Variants in THSD7B observed in about 807,000 individuals in gnomAD.
THSD7B encodes the protein thrombospondin type-1 domain-containing protein 7B.
In THSD7B, 138 loss-of-function variants were observed where a neutral mutation model predicts 213.6. The ratio of observed to expected loss-of-function variants is 0.65; its 90% confidence interval spans 0.56 to 0.74. The LOEUF is 0.74. THSD7B is among the 30% of genes least tolerant of loss of function. The pLI is 0.00. For missense variants in THSD7B, 1,931 were observed against 1,991.5 expected (o/e 0.97, Z 0.58); for synonymous variants, 742 against 687.0 (o/e 1.08, Z -1.25).
chr2:137,597,468 GT>G lies in THSD7B; in HGVS notation c.3424-18694del, dbSNP rs5834565. Among the ~76,000 whole-genome samples, 448 of 143,510 alleles carry G rather than the reference GT, an allele frequency of 3.1e-3. 3 individuals carry two copies. Among genetic ancestry groups the G allele is most frequent in the South Asian group, 8.2e-3 (37 of 4,534 alleles). The allele number at this position is 143,510 out of a possible 152,430, so 94.1% of individuals were successfully genotyped here. On this transcript the variant is annotated intron_variant, in intron 17 of 27. Transcript: ENST00000409968. ...GAAAAACAAAACCAAAAAAAAACCT[GT>G]TTTTTTTTTTTTAAGATGCTTTTGT... is the stretch of plus-strand genomic sequence containing the variant.
At chr2:137,012,753 G>A (rs932776748) in intron 2 of THSD7B, among the ~76,000 whole-genome samples, 3 of 152,210 alleles carry the variant, frequency 2.0e-5, no homozygotes, top group South Asian at 2.1e-4. Context: ...ACTCCACTTC[G>A]CATGGAGAGT....
intron 15 of THSD7B, among the ~76,000 whole-genome samples, chr2:137,503,827 C>T (rs1311896982): frequency 6.6e-6 from 1 of 151,984 alleles, no homozygotes; most frequent in African/African-American, 2.4e-5. Context: ...GAGATCAAGA[C>T]TATCCTGGCC....
At chr2:137,075,935 G>T (rs1184668173) in intron 3 of THSD7B, among the ~76,000 whole-genome samples, 1 of 152,140 alleles carries the variant, frequency 6.6e-6, no homozygotes, top group Non-Finnish European at 1.5e-5. Context: ...CTGCCTGATT[G>T]TTCCTCTGGA....
At chr2:136,889,797 C>T (rs1224096448) in intron 2 of THSD7B, among the ~76,000 whole-genome samples, 1 of 152,158 alleles carries the variant, frequency 6.6e-6, no homozygotes, top group East Asian at 1.9e-4. Flanking sequence ...CCTGCATAGT[C>T]ATCATCTGTG....
At chr2:137,436,105 C>T (rs1687284956) in intron 14 of THSD7B, among the ~76,000 whole-genome samples, 1 of 151,992 alleles carries the variant, frequency 6.6e-6, no homozygotes. Context: ...CTTCACTCTG[C>T]ATCTGTTTAT....
chr2:137,525,158 A>G (rs1046910687), intron 15 of THSD7B, among the ~76,000 whole-genome samples: 1 of 152,228 alleles, frequency 6.6e-6, no homozygotes, highest in Non-Finnish European at 1.5e-5. Flanking sequence ...GGAACCACAC[A>G]TGAATATTGT....
chr2:137,014,335 T>A (rs893785161), intron 2 of THSD7B, among the ~76,000 whole-genome samples: 5 of 152,100 alleles, frequency 3.3e-5, no homozygotes, highest in African/African-American at 1.2e-4. Flanking sequence ...CCAAAAATAA[T>A]TTTGCATAAT....
intron 4 of THSD7B, among the ~76,000 whole-genome samples, chr2:137,106,978 T>C (rs1688265756): frequency 6.6e-6 from 1 of 152,190 alleles, no homozygotes; most frequent in African/African-American, 2.4e-5. Flanking sequence ...TGGAAGTCAG[T>C]GTGGTGATTC....
At chr2:137,142,403 T>C (rs1679604191) in intron 5 of THSD7B, among the ~76,000 whole-genome samples, 1 of 152,130 alleles carries the variant, frequency 6.6e-6, no homozygotes, top group Non-Finnish European at 1.5e-5. Context: ...TAGAGGTAAC[T>C]TTTCTCAATA....
At chr2:137,293,166 A>AGGCTGTATCATC (rs1683378936) in intron 12 of THSD7B, among the ~76,000 whole-genome samples, 1 of 151,130 alleles carries the variant, frequency 6.6e-6, no homozygotes, top group Admixed American at 6.6e-5. Flanking sequence ...CTTTTGAGAC[A>AGGCTGTATCATC]TGGTCTGTAT....
chr2:137,556,251 A>C (rs1193146185), intron 15 of THSD7B, among the ~76,000 whole-genome samples: 1 of 152,198 alleles, frequency 6.6e-6, no homozygotes, highest in African/African-American at 2.4e-5. Context: ...CAGATTCACC[A>C]AAGTTGAAAT....
Position 137,095,017 on chromosome 2 carries a change from C to A in THSD7B, c.1095C>A (p.Ser365Arg). The stretch of plus-strand genomic sequence containing the variant: ...TCTTGCCAGGATTTAGGAGCAGGAG[C>A]CGGAACGTGAAGCACATGGCTATTG... ...GSLLPGFRSR[S>R]RNVKHMAIGG... The change falls in exon 4 of 28, where the codon AGC (serine) becomes AGA (arginine). Residue 365 changes from serine (S) to arginine (R), a missense_variant. Ser to Arg is a moderately radical substitution (Grantham distance 110). Transcript: ENST00000409968. The A allele has an allele frequency of 6.2e-7, 1 of 1,613,790 alleles. No individual in the cohort carries two copies. The highest frequency in any genetic ancestry group is 8.5e-7 in the Non-Finnish European group (1 of 1,179,854).
intron 2 of THSD7B, among the ~76,000 whole-genome samples, chr2:136,889,154 T>C (rs1683772477): frequency 6.6e-6 from 1 of 152,170 alleles, no homozygotes; most frequent in South Asian, 2.1e-4. Context: ...CCAGTACCAT[T>C]TCTGATCATC....
intron 15 of THSD7B, among the ~76,000 whole-genome samples, chr2:137,546,434 ATTATATATATTAT>A (rs1249210513): frequency 8.9e-5 from 2 of 22,398 alleles, no homozygotes; most frequent in Non-Finnish European, 1.4e-4. Flanking sequence ...TTATATATAT[ATTATATATATTAT>A]ATATATATTA....
At chr2:136,843,863 A>G (rs1292765449) in intron 1 of THSD7B, among the ~76,000 whole-genome samples, 1 of 152,182 alleles carries the variant, frequency 6.6e-6, no homozygotes, top group Non-Finnish European at 1.5e-5. Context: ...TTGTTCTCCT[A>G]GGAACACAGA....
At chr2:137,271,443 A>AT (rs1682735582) in intron 10 of THSD7B, among the ~76,000 whole-genome samples, 14 of 132,470 alleles carry the variant, frequency 1.1e-4, no homozygotes, top group African/African-American at 3.3e-4. Context: ...TATATAATAT[A>AT]ATATATAATA....
chr2:137,166,151 C>T (rs1460761682), intron 6 of THSD7B, among the ~76,000 whole-genome samples: 2 of 152,238 alleles, frequency 1.3e-5, no homozygotes, highest in East Asian at 3.9e-4. Flanking sequence ...CCTTCACACC[C>T]TTCCATCGCG....
chr2:137,347,886 T>C (rs543269332), intron 12 of THSD7B, among the ~76,000 whole-genome samples: 1 of 151,688 alleles, frequency 6.6e-6, no homozygotes, highest in Non-Finnish European at 1.5e-5. Flanking sequence ...AGCATTAAAA[T>C]TAGAATTGTC....
chr2:137,262,133 G>T (rs1429399466), intron 10 of THSD7B, among the ~76,000 whole-genome samples: 1 of 152,066 alleles, frequency 6.6e-6, no homozygotes, highest in Non-Finnish European at 1.5e-5. Context: ...ACAATGGTCG[G>T]CCTGAATAGC....
Sources: gnomAD v4.1 joint callset for allele counts (sites outside exome capture counted in the v4.1 genomes callset) on GRCh38, gnomAD v4.1.1 for gene constraint, MANE v1.5 for transcripts, NCBI Gene and HGNC (gene_info 2026-07-23, HGNC 2026-07-21) for gene names.